Variants in ZC3H13 observed in about 807,000 individuals in gnomAD.
The protein encoded by ZC3H13 is zinc finger CCCH-type containing 13.
A neutral mutation model predicts 204.1 loss-of-function variants in ZC3H13; 64 were observed. The ratio of observed to expected loss-of-function variants is 0.31; its 90% CI spans 0.26 to 0.39. ZC3H13 has a LOEUF of 0.39. Ranked by LOEUF, ZC3H13 falls within the 10% of genes least tolerant of loss-of-function variation. The probability of loss-of-function intolerance (pLI) is 1.00; values close to 1 mark genes in which losing one functional copy is unlikely to be tolerated. For missense variants in ZC3H13, 1,833 were observed against 2,082.7 expected (o/e 0.88, Z 2.33); for synonymous variants, 667 against 693.7 (o/e 0.96, Z 0.60).
intron 4 of ZC3H13, among the ~76,000 whole-genome samples, chr13:46,037,550 C>A (rs898720445): frequency 6.6e-6 from 1 of 152,182 alleles, no homozygotes; most frequent in Non-Finnish European, 1.5e-5. Flanking sequence ...AATAACAAGT[C>A]TCTGCAATAT....
chr13:46,041,874 T>A (rs12865164), intron 4 of ZC3H13, among the ~76,000 whole-genome samples: 1 of 152,068 alleles, frequency 6.6e-6, no homozygotes, highest in African/African-American at 2.4e-5. Context: ...AACTTAAAGA[T>A]ACTCATGATC....
At chr13:46,032,362 C>CA (rs11323386) in intron 4 of ZC3H13, among the ~76,000 whole-genome samples, 1,999 of 99,628 alleles carry the variant, frequency 0.02, 42 homozygotes, top group East Asian at 0.079. Flanking sequence ...AGAAAAAGAC[C>CA]AAAAAAAAAA....
In ZC3H13 at chr13:45,969,152, C is replaced by T; in HGVS notation, c.3392G>A (p.Ser1131Asn). 3.1e-6 allele frequency: 5 copies of T among 1,613,974 alleles called. No individual in the cohort carries two copies. Among genetic ancestry groups the T allele is most frequent in the Non-Finnish European group, 4.2e-6 (5 of 1,179,966 alleles). The change falls in exon 14 of 19, where the codon AGC becomes AAC. Residue 1131 changes from serine to asparagine, a missense_variant. Around this residue, in one of 5 missense-constraint regions of ZC3H13, gnomAD observed 1,574 missense variants for 1,757.2 expected, o/e 0.90. Coordinates refer to ENST00000679008, the MANE Select transcript of ZC3H13 (RefSeq NM_001330564.2). ...GGTGGAAATAGTGATGGCAGATGTG[C>T]TGAAAGAGGTGGCGGCAGCAGCAGT... Reference protein sequence around the residue: ...ATTAAAATSFSTSAITISTSA... With the variant: ...ATTAAAATSFNTSAITISTSA...
intron 5 of ZC3H13, 99 bp from the exon 6 acceptor site, chr13:46,011,653 T>C: frequency 3.4e-6 from 3 of 878,804 alleles, no homozygotes; most frequent in Non-Finnish European, 4.9e-6. Context: ...CAAATCTAAA[T>C]AGCAGAGTCT....
chr13:45,979,068 T>C (rs1416524654), intron 11 of ZC3H13, among the ~76,000 whole-genome samples: 2 of 152,118 alleles, frequency 1.3e-5, no homozygotes, highest in Non-Finnish European at 2.9e-5. Flanking sequence ...TCAAGTTTCA[T>C]GCTATATTAA....
At chr13:46,050,253 A>G (rs2044307631) in intron 1 of ZC3H13, among the ~76,000 whole-genome samples, 1 of 152,132 alleles carries the variant, frequency 6.6e-6, no homozygotes, top group East Asian at 1.9e-4. Context: ...CTGTACTCAG[A>G]AGGTTCACAT....
chr13:46,042,775 G>A (rs1202188109), intron 3 of ZC3H13, among the ~76,000 whole-genome samples: 1 of 151,886 alleles, frequency 6.6e-6, no homozygotes, highest in Non-Finnish European at 1.5e-5. Flanking sequence ...ACATGCCTGT[G>A]GTTGGATGCA....
chr13:45,964,238 C>T (rs1362339630), intron 16 of ZC3H13, among the ~76,000 whole-genome samples, 196 bp from the exon 17 acceptor site: 1 of 152,158 alleles, frequency 6.6e-6, no homozygotes, highest in Non-Finnish European at 1.5e-5. Flanking sequence ...AAAAAACCTT[C>T]CCACCAAAAG....
chr13:46,029,098 A>G (rs1381764052), intron 4 of ZC3H13, among the ~76,000 whole-genome samples: 1 of 152,166 alleles, frequency 6.6e-6, no homozygotes, highest in Non-Finnish European at 1.5e-5. Context: ...TAAATTATCA[A>G]TAGGAGAAAC....
chr13:46,051,997 A>AAAAAAAAAC (rs1327907188), intron 1 of ZC3H13: 1 of 10,956 alleles, frequency 9.1e-5, no homozygotes, highest in Non-Finnish European at 1.7e-4. Flanking sequence ...CTGCTGAGGG[A>AAAAAAAAAC]AAAAAAAAAA....
At position 45,991,996 on chromosome 13, in the gene ZC3H13, C is replaced by A. The variant is rs921916396; in HGVS notation, c.945-2899G>T. On this transcript the variant is annotated intron_variant, in intron 8 of 18. Transcript: ENST00000679008. ...CCAGACTTACTTAAAAATAGTAACA[C>A]CAATGTTTCTTTCAAAAAATGGTTT... Among the ~76,000 whole-genome samples, 11 of 152,156 alleles carry A rather than the reference C, an allele frequency of 7.2e-5. 1 individual carries two copies. Among genetic ancestry groups the A allele is most frequent in the African/African-American group, 2.4e-4 (10 of 41,450 alleles).
At chr13:45,985,178 T>G in intron 10 of ZC3H13, 119 bp downstream of exon 10, 1 of 1,091,076 alleles carries the variant, frequency 9.2e-7, no homozygotes, top group Non-Finnish European at 1.3e-6. Context: ...ACAAGTTCAA[T>G]TAATTAAAAA....
intron 5 of ZC3H13, among the ~76,000 whole-genome samples, chr13:46,018,575 T>C (rs1484769236): frequency 6.6e-6 from 1 of 152,036 alleles, no homozygotes; most frequent in Non-Finnish European, 1.5e-5. Flanking sequence ...GTAAAAAAGT[T>C]TAGGCACAAA....
At chr13:45,978,522 T>C (rs1041914815) in intron 11 of ZC3H13, among the ~76,000 whole-genome samples, 1 of 152,026 alleles carries the variant, frequency 6.6e-6, no homozygotes, top group Non-Finnish European at 1.5e-5. Flanking sequence ...TCCCCAAAAC[T>C]GTGAAAACAT....
chr13:46,011,236 C>T (rs1310910058), intron 6 of ZC3H13, among the ~76,000 whole-genome samples, 179 bp downstream of exon 6: 1 of 152,062 alleles, frequency 6.6e-6, no homozygotes, highest in Non-Finnish European at 1.5e-5. Context: ...ATATTTGCTA[C>T]TTATCTAATA....
Position 45,963,896 on chromosome 13 carries a change from C to G in ZC3H13, c.4621G>C (p.Glu1541Gln). ...GTTTCTTTGACTTTGGCAAAGAGTT[C>G]AGAACCTGCCAACTTTTTAGAAATC... The part of the protein sequence containing the change: ...VGISKKLAGS[E>Q]LFAKVKETCQ... Residue 1541 changes from glutamate to glutamine, a missense_variant, in exon 17 of 19, where the codon GAA (glutamate) becomes CAA (glutamine). Physicochemically the swap from Glu to Gln is conservative, Grantham distance 29. Transcript: ENST00000679008. 6.2e-7 allele frequency: 1 copy of G among 1,614,056 alleles called. No individual in the cohort carries two copies. The highest frequency in any genetic ancestry group is 8.5e-7 in the Non-Finnish European group (1 of 1,179,986).
At chr13:45,987,979 A>C (rs1305634592) in intron 9 of ZC3H13, among the ~76,000 whole-genome samples, 3 of 152,198 alleles carry the variant, frequency 2.0e-5, no homozygotes, top group Non-Finnish European at 4.4e-5. Flanking sequence ...GGGATCTAGA[A>C]AGGAAAACTG....
At chr13:46,010,614 T>C in intron 6 of ZC3H13, 109 bp from the exon 7 acceptor site, 1 of 1,219,004 alleles carries the variant, frequency 8.2e-7, no homozygotes, top group South Asian at 1.5e-5. Context: ...TAAATATTAT[T>C]GCCGGGTGCA....
rs543010270 is a variant in ZC3H13 at position 45,971,657 on chromosome 13, T to C, written c.2469-1192A>G. 3.9e-5 allele frequency among the ~76,000 whole-genome samples: 6 copies of C among 151,998 alleles called. No individual in the cohort carries two copies. The East Asian group carries it at 9.7e-4, about 25-fold the overall frequency. On this transcript the variant is annotated intron_variant, in intron 12 of 18. Transcript: ENST00000679008. ...CAAACGCAACGAAACCAAAAATAAATAAATGGAACCTAATTAAACTAAAAA... is the reference window on the plus strand; with the variant it reads ...CAAACGCAACGAAACCAAAAATAAACAAATGGAACCTAATTAAACTAAAAA...
Sources: allele counts gnomAD v4.1 joint callset (sites outside exome capture counted in the v4.1 genomes callset), GRCh38; gene constraint gnomAD v4.1.1; regional missense constraint gnomAD v4.1.1; transcripts MANE v1.5; gene names NCBI Gene and HGNC (gene_info 2026-07-23, HGNC 2026-07-21).